Variants in MTMR3 observed in about 807,000 individuals in gnomAD.
The protein encoded by MTMR3 is myotubularin related protein 3.
In MTMR3, 32 loss-of-function variants were observed where a neutral mutation model predicts 132.4. The ratio of observed to expected loss-of-function variants is 0.24; its 90% confidence interval spans 0.18 to 0.32. MTMR3 has a LOEUF of 0.32. Among genes scored for constraint, MTMR3 ranks in the 10% least tolerant of loss-of-function variants. The pLI is 1.00. For missense variants in MTMR3, 1,216 were observed against 1,489.6 expected (o/e 0.82, Z 3.02); for synonymous variants, 556 against 550.3 (o/e 1.01, Z -0.14).
chr22:30,019,912 G>A lies in MTMR3; in HGVS notation c.2253G>A (p.Arg751=). The change falls in exon 17 of 20, where the codon AGG becomes AGA. Residue 751 remains arginine, a synonymous_variant. Coordinates refer to ENST00000401950, the MANE Select transcript of MTMR3 (RefSeq NM_021090.4). ...CAGAACTGGGTGATGCTGCTCTGAG[G>A]AGCCATCTGGATATGAGCTGGCCTC... ...QDPELGDAAL[R]SHLDMSWPLF... is the part of the protein sequence containing the mutation. 1 of 1,614,170 alleles carries A rather than the reference G, an allele frequency of 6.2e-7. No individual in the cohort carries two copies. The highest frequency in any genetic ancestry group is 8.5e-7 in the Non-Finnish European group (1 of 1,180,016).
At chr22:30,015,280 C>T (rs2067552211) in intron 14 of MTMR3, 1 of 151,062 alleles carries the variant, frequency 6.6e-6, no homozygotes, top group Non-Finnish European at 1.5e-5. Flanking sequence ...AGGTCTCAAA[C>T]ACCTGGGCTC....
At chr22:29,998,608 A>C (rs1036673457) in intron 7 of MTMR3, 153 bp from the exon 8 acceptor site, 1 of 376,254 alleles carries the variant, frequency 2.7e-6, no homozygotes, top group African/African-American at 2.1e-5. Context: ...ACACCACTGC[A>C]CTCCGGCCTA....
intron 12 of MTMR3, chr22:30,012,118 A>G (rs2067446747): frequency 7.4e-6 from 3 of 404,094 alleles, no homozygotes; most frequent in Non-Finnish European, 8.8e-6. Flanking sequence ...GGAATCATCC[A>G]TACAGATTTT....
intron 1 of MTMR3, among the ~76,000 whole-genome samples, chr22:29,942,994 A>C (rs1024406743): frequency 3.3e-5 from 5 of 152,206 alleles, no homozygotes; most frequent in Admixed American, 6.5e-5. Context: ...TGGTTGGGGA[A>C]GTAATAAGTG....
rs141755316 is a variant in MTMR3 at position 30,016,342 on chromosome 22, G to A, written c.1504-186G>A. 1,446 of 588,596 alleles carry A rather than the reference G, an allele frequency of 2.5e-3. 6 individuals carry two copies. The highest frequency in any genetic ancestry group is 3.2e-3 in the Non-Finnish European group (1,058 of 335,680). The allele number at this position is 588,596 out of a possible 1,614,324, so 36.5% of individuals were successfully genotyped here. On this transcript the variant is annotated intron_variant, in intron 14 of 19. Transcript: ENST00000401950. ...GGCACCAACAACCTGTCTGACTCAG[G>A]TTGTTGGGTCCTGGAATTGGTGGTG... is the stretch of plus-strand genomic sequence containing the variant.
chr22:29,931,754 G>C (rs2065650037), intron 1 of MTMR3, among the ~76,000 whole-genome samples: 1 of 147,812 alleles, frequency 6.8e-6, no homozygotes, highest in South Asian at 2.1e-4. Flanking sequence ...TATTTCCGTA[G>C]TCCTCCTAGA....
At chr22:29,938,163 A>AC (rs2065786727) in intron 1 of MTMR3, among the ~76,000 whole-genome samples, 1 of 151,986 alleles carries the variant, frequency 6.6e-6, no homozygotes, top group Non-Finnish European at 1.5e-5. Flanking sequence ...AGTTCCAGGA[A>AC]CACCCATATT....
intron 1 of MTMR3, among the ~76,000 whole-genome samples, chr22:29,918,784 G>A (rs965898866): frequency 1.3e-5 from 2 of 152,140 alleles, no homozygotes; most frequent in African/African-American, 2.4e-5. Flanking sequence ...ATGTTAAAAG[G>A]GAATTTTAAT....
At chr22:29,993,610 C>T (rs1569040204) in intron 7 of MTMR3, 1 of 151,838 alleles carries the variant, frequency 6.6e-6, no homozygotes, top group African/African-American at 2.4e-5. Flanking sequence ...CTATCCTGTT[C>T]TCTCACAACC....
chr22:29,953,329 C>T (rs1202341455), intron 1 of MTMR3, among the ~76,000 whole-genome samples: 1 of 152,168 alleles, frequency 6.6e-6, no homozygotes, highest in African/African-American at 2.4e-5. Context: ...TTCAGACTTA[C>T]TAGTTTTTGT....
intron 14 of MTMR3, chr22:30,016,277 C>A: frequency 2.4e-6 from 1 of 417,842 alleles, no homozygotes; most frequent in South Asian, 3.4e-5. Context: ...TGTTAATTCA[C>A]AATCTCAGAC....
At chr22:29,942,128 A>G (rs1263142334) in intron 1 of MTMR3, among the ~76,000 whole-genome samples, 5 of 152,246 alleles carry the variant, frequency 3.3e-5, no homozygotes, top group East Asian at 3.9e-4. Flanking sequence ...GTTCTTTTCT[A>G]TTTTCCCTAA....
intron 2 of MTMR3, among the ~76,000 whole-genome samples, chr22:29,964,056 A>AGAGGCT (rs2066367323): frequency 6.6e-6 from 1 of 152,178 alleles, no homozygotes; most frequent in South Asian, 2.1e-4. Context: ...TATTTTTCAA[A>AGAGGCT]GAGGCTGCAC....
intron 5 of MTMR3, chr22:29,987,935 T>TG (rs2066890113): frequency 2.0e-5 from 3 of 152,360 alleles, no homozygotes; most frequent in Non-Finnish European, 4.4e-5. Context: ...CAGCAGCTAT[T>TG]GCCCCATTGT....
At chr22:29,899,281 G>C (rs1229755093) in intron 1 of MTMR3, among the ~76,000 whole-genome samples, 1 of 152,096 alleles carries the variant, frequency 6.6e-6, no homozygotes. Flanking sequence ...TTGAACTCCT[G>C]AGCTCCAGTG....
intron 1 of MTMR3, among the ~76,000 whole-genome samples, chr22:29,950,578 G>A (rs1165129313): frequency 6.6e-6 from 1 of 151,894 alleles, no homozygotes; most frequent in African/African-American, 2.4e-5. Flanking sequence ...TAGTCAGGCC[G>A]GTCTCAAACT....
At chr22:29,955,639 G>A (rs1450207934) in intron 1 of MTMR3, among the ~76,000 whole-genome samples, 2 of 152,160 alleles carry the variant, frequency 1.3e-5, no homozygotes, top group African/African-American at 4.8e-5. Flanking sequence ...AAACATAAAA[G>A]TTATTGGGGA....
At chr22:29,949,919 T>A (rs918919298) in intron 1 of MTMR3, among the ~76,000 whole-genome samples, 1 of 152,168 alleles carries the variant, frequency 6.6e-6, no homozygotes, top group Non-Finnish European at 1.5e-5. Context: ...TCCATTTGAT[T>A]TAGGCATTGC....
intron 1 of MTMR3, among the ~76,000 whole-genome samples, chr22:29,911,921 G>A (rs139178184): frequency 6.6e-6 from 1 of 152,214 alleles, no homozygotes; most frequent in East Asian, 1.9e-4. Flanking sequence ...CAATAGCAAA[G>A]ATATAAAGTC....
Sources: allele counts gnomAD v4.1 joint callset (sites outside exome capture counted in the v4.1 genomes callset), GRCh38; gene constraint gnomAD v4.1.1; transcripts MANE v1.5; gene names NCBI Gene and HGNC (gene_info 2026-07-23, HGNC 2026-07-21).